The following URB1 variants were observed in gnomAD, a reference collection of about 807,000 sequenced individuals.
URB1 encodes URB1 ribosome biogenesis factor.
In URB1, 197 loss-of-function variants were observed where a neutral mutation model predicts 242.3. The observed-to-expected ratio is 0.81, with a 90% confidence interval of 0.72 to 0.91. The LOEUF (loss-of-function observed/expected upper bound fraction) is 0.91. Ranked by LOEUF, URB1 falls within the 40% of genes least tolerant of loss-of-function variation. The pLI is 0.00. For missense variants in URB1, 2,721 were observed against 2,860.5 expected, an observed-to-expected ratio of 0.95 and a Z score of 1.11; for synonymous variants, 1,153 against 1,201.8, an observed-to-expected ratio of 0.96 and a Z score of 0.84.
intron 34 of URB1, among the ~76,000 whole-genome samples, chr21:32,321,510 C>G (rs969191897): frequency 4.6e-5 from 7 of 152,270 alleles, no homozygotes; most frequent in Middle Eastern, 3.4e-3. Flanking sequence ...CACTGATGGC[C>G]TTCGTATATG....
intron 25 of URB1, among the ~76,000 whole-genome samples, chr21:32,341,166 A>C (rs1454690083): frequency 2.6e-5 from 4 of 152,238 alleles, no homozygotes; most frequent in African/African-American, 4.8e-5. Context: ...AGGGATGAGA[A>C]AGAAACAGGA....
At chr21:32,333,477 T>C in intron 29 of URB1, 58 bp from the exon 30 acceptor site, 2 of 1,338,290 alleles carry the variant, frequency 1.5e-6, no homozygotes, top group Non-Finnish European at 2.1e-6. Flanking sequence ...GTAATACAGG[T>C]TGAGTATCTC....
rs1333038574 is a variant in URB1, at chr21:32,338,880, G to C, written c.4337C>G (p.Thr1446Arg). Residue 1446 changes from threonine to arginine, a missense_variant, in exon 26 of 39, where the codon ACA becomes AGA. Coordinates refer to ENST00000382751, the MANE Select transcript of URB1 (RefSeq NM_014825.3). ...KGLKFRYQDHTFLKMLLTAVQ... is the reference protein window; with the variant it reads ...KGLKFRYQDHRFLKMLLTAVQ... ...GGCGGTGAGGAGCATCTTTAAAAAT[G>C]TGTGGTCCTGGTACCGAAATCTAGG... 52 of 1,546,952 alleles carry C rather than the reference G, an allele frequency of 3.4e-5. No homozygotes were observed. The highest frequency in any genetic ancestry group is 4.5e-5 in the Non-Finnish European group (51 of 1,143,108).
At position 32,337,082 on chromosome 21, in the gene URB1, C is replaced by T; in HGVS notation, c.4685+12G>A. ...ACCTCAAGGCCTAGTCTACCTCTAG[C>T]CCAACACTCACCTGAAGTTGATGAG... On this transcript the variant is annotated intron_variant, in intron 28 of 38. Coordinates refer to ENST00000382751, the MANE Select transcript of URB1 (RefSeq NM_014825.3). 1 of 1,551,566 alleles carries T rather than the reference C, an allele frequency of 6.4e-7. No individual in the cohort carries two copies. Among genetic ancestry groups the T allele is most frequent in the Non-Finnish European group, 8.7e-7 (1 of 1,146,752 alleles).
intron 4 of URB1, among the ~76,000 whole-genome samples, chr21:32,380,909 ACAG>A (rs1187137429): frequency 6.6e-6 from 1 of 152,210 alleles, no homozygotes; most frequent in Non-Finnish European, 1.5e-5. Flanking sequence ...CTGCTGGTAC[ACAG>A]CAGAACTAGA....
At chr21:32,339,046 G>A in intron 25 of URB1, 146 bp from the exon 26 acceptor site, 1 of 889,112 alleles carries the variant, frequency 1.1e-6, no homozygotes, top group Non-Finnish European at 1.6e-6. Context: ...CCAGGCTGGA[G>A]TACAGTGGTG....
intron 6 of URB1, among the ~76,000 whole-genome samples, 200 bp downstream of exon 6, chr21:32,375,198 G>C (rs1007798797): frequency 6.6e-6 from 1 of 152,226 alleles, no homozygotes; most frequent in Non-Finnish European, 1.5e-5. Flanking sequence ...GGCTGCTTCA[G>C]CTATTCTTTA....
chr21:32,375,104 A>G (rs567370311), intron 6 of URB1, among the ~76,000 whole-genome samples: 3 of 152,368 alleles, frequency 2.0e-5, no homozygotes, highest in Non-Finnish European at 4.4e-5. Context: ...ACAGCTCACA[A>G]TGATTACTTT....
At chr21:32,383,349 T>C in intron 4 of URB1, 73 bp downstream of exon 4, 1 of 1,471,806 alleles carries the variant, frequency 6.8e-7, no homozygotes, top group East Asian at 2.5e-5. Context: ...GGGCAGAGAA[T>C]GGAGGAAAAA....
At chr21:32,318,987 G>C (rs898885915) in intron 36 of URB1, among the ~76,000 whole-genome samples, 1 of 152,118 alleles carries the variant, frequency 6.6e-6, no homozygotes, top group African/African-American at 2.4e-5. Context: ...TTAAGTTCTC[G>C]GGGTCTTGAC....
intron 21 of URB1, 66 bp from the exon 22 acceptor site, chr21:32,347,877 C>A: frequency 6.8e-7 from 1 of 1,465,012 alleles, no homozygotes; most frequent in Non-Finnish European, 9.0e-7. Flanking sequence ...GCGGCAGCTG[C>A]CACGCAAGTA....
chr21:32,366,699 G>A lies in URB1; in HGVS notation c.1254C>T (p.Pro418=), dbSNP rs1484540643. The change falls in exon 10 of 39, where the codon CCC becomes CCT. Residue 418 remains proline (P), a synonymous_variant. Transcript: ENST00000382751. ...SRAFQTREFI[P]LPRLLAMVMV... Reference sequence around the variant, plus strand: ...TCACCATTGCCAGGAGCCGAGGCAAGGGTATAAACTCTCTGGTCTGAAATG... The same window carrying A: ...TCACCATTGCCAGGAGCCGAGGCAAAGGTATAAACTCTCTGGTCTGAAATG... The A allele has an allele frequency of 6.4e-7, 1 of 1,551,472 alleles. No homozygotes were observed. The highest frequency in any genetic ancestry group is 8.7e-7 in the Non-Finnish European group (1 of 1,146,848).
intron 7 of URB1, 72 bp from the exon 8 acceptor site, chr21:32,372,703 A>C: frequency 3.4e-6 from 5 of 1,464,106 alleles, no homozygotes; most frequent in Non-Finnish European, 4.5e-6. Flanking sequence ...GAGTAAAAAC[A>C]AGGACAATAT....
intron 21 of URB1, 57 bp from the exon 22 acceptor site, chr21:32,347,868 C>T (rs1045976939): frequency 1.5e-5 from 22 of 1,468,856 alleles, no homozygotes; most frequent in Middle Eastern, 1.8e-4. Flanking sequence ...AAGACAGGGG[C>T]GGCAGCTGCC....
At position 32,352,785 on chromosome 21, in the gene URB1, C is replaced by T. The variant is rs752133292; in HGVS notation, c.2538G>A (p.Val846=). The T allele has an allele frequency of 5.2e-6, 8 of 1,551,624 alleles. No individual in the cohort carries two copies. Among genetic ancestry groups the T allele is most frequent in the Non-Finnish European group, 7.0e-6 (8 of 1,147,020 alleles). ...AYDKLEPPCL[V]PCCQQLSRFN... ...ACCGTGAGAGCTGCTGGCAGCAAGGCACCAGGCATGGAGGCTCAAGCTTAT... is the reference window on the plus strand; with the variant it reads ...ACCGTGAGAGCTGCTGGCAGCAAGGTACCAGGCATGGAGGCTCAAGCTTAT... Residue 846 remains valine (V), a synonymous_variant, in exon 19 of 39, where the codon GTG becomes GTA. Coordinates refer to ENST00000382751, the MANE Select transcript of URB1 (RefSeq NM_014825.3).
chr21:32,375,265 G>C (rs1410089765), intron 6 of URB1, 133 bp downstream of exon 6: 1 of 520,848 alleles, frequency 1.9e-6, no homozygotes. Context: ...TTAGGGAAGA[G>C]TTTTCCACTC....
At chr21:32,334,619 C>T (rs1228935119) in intron 28 of URB1, among the ~76,000 whole-genome samples, 4 of 152,158 alleles carry the variant, frequency 2.6e-5, no homozygotes, top group African/African-American at 9.7e-5. Context: ...ACTCAATCTG[C>T]ACAACATCTC....
chr21:32,359,048 T>C (rs1397176607), intron 14 of URB1, among the ~76,000 whole-genome samples: 2 of 152,194 alleles, frequency 1.3e-5, no homozygotes, highest in African/African-American at 2.4e-5. Context: ...GAGAGACACA[T>C]AGTCCCAGAG....
chr21:32,345,692 C>T (rs2033079048), intron 22 of URB1, 117 bp from the exon 23 acceptor site: 1 of 1,103,712 alleles, frequency 9.1e-7, no homozygotes. Flanking sequence ...CTGGTGATGC[C>T]ACACCGGTGG....
Sources: allele counts gnomAD v4.1 joint callset (sites outside exome capture counted in the v4.1 genomes callset), GRCh38; gene constraint gnomAD v4.1.1; transcripts MANE v1.5; gene names NCBI Gene and HGNC (gene_info 2026-07-23, HGNC 2026-07-21).